The following ZNF577 variants were observed in gnomAD, a reference collection of about 807,000 sequenced individuals.
The protein encoded by ZNF577 is zinc finger protein 577.
In ZNF577, 14 loss-of-function variants were observed where a neutral mutation model predicts 13.9. The observed-to-expected ratio is 1.00, with a 90% confidence interval of 0.66 to 1.57. ZNF577 has a LOEUF of 1.57. ZNF577 is among the 40% of genes most tolerant of loss of function. ZNF577 has a pLI of 0.00. For synonymous variants in ZNF577, 203 were observed against 202.9 expected, an observed-to-expected ratio of 1.00 and a Z score of 0.00; for missense variants, 555 against 579.2, an observed-to-expected ratio of 0.96 and a Z score of 0.43.
At chr19:51,880,135 C>A (rs922980107) in intron 3 of ZNF577, among the ~76,000 whole-genome samples, 188 bp downstream of exon 3, 1 of 152,170 alleles carries the variant, frequency 6.6e-6, no homozygotes, top group Non-Finnish European at 1.5e-5. Flanking sequence ...ACGCTATTTT[C>A]GAAGAATTTT....
intron 5 of ZNF577, among the ~76,000 whole-genome samples, chr19:51,846,337 G>C (rs1439360907): frequency 6.6e-6 from 1 of 152,194 alleles, no homozygotes. Flanking sequence ...CGTATTTGCA[G>C]ATGAGTCACT....
intron 4 of ZNF577, 169 bp from the exon 5 acceptor site, chr19:51,877,546 C>A (rs1026357080): frequency 1.2e-5 from 7 of 578,364 alleles, no homozygotes; most frequent in African/African-American, 7.6e-5. Flanking sequence ...TAACAGTCTG[C>A]GTGACACACC....
chr19:51,877,603 A>G (rs936429208), intron 4 of ZNF577: 2 of 392,730 alleles, frequency 5.1e-6, no homozygotes, highest in Non-Finnish European at 9.1e-6. Flanking sequence ...CAGACAAACA[A>G]AAACAGAAAA....
At chr19:51,828,693 A>C (rs1192888545) in intron 9 of ZNF577, among the ~76,000 whole-genome samples, 2 of 152,168 alleles carry the variant, frequency 1.3e-5, no homozygotes, top group Admixed American at 6.5e-5. Flanking sequence ...AATACTTCCC[A>C]ATGTATGTCC....
Position 51,872,571 on chromosome 19 carries a change from T to C in ZNF577, c.1419A>G (p.Ile473Met), listed in dbSNP as rs1362483341. ...TATCTGTAAGATACAAGATATAATT[T>C]ATTACTGATGGGGCCACATTCACTT... ...TNEVNVAPSVINYILYLTDIV... is the reference protein window; with the variant it reads ...TNEVNVAPSVMNYILYLTDIV... Residue 473 changes from isoleucine to methionine, a missense_variant, in exon 6 of 6, where the codon ATA (isoleucine) becomes ATG (methionine). By Grantham distance (10) the Ile-to-Met change is conservative. Coordinates refer to ENST00000638348, the MANE Select transcript of ZNF577 (RefSeq NM_001370449.1). 1 of 1,608,496 alleles carries C rather than the reference T, an allele frequency of 6.2e-7. No homozygotes were observed. Among genetic ancestry groups the C allele is most frequent in the Non-Finnish European group, 8.5e-7 (1 of 1,177,984 alleles).
At chr19:51,833,315 G>T (rs2084270198) in intron 9 of ZNF577, among the ~76,000 whole-genome samples, 1 of 152,050 alleles carries the variant, frequency 6.6e-6, no homozygotes, top group South Asian at 2.1e-4. Flanking sequence ...AGATTACAAT[G>T]CTATACTACC....
At chr19:51,822,276 T>C (rs1599841247) in intron 9 of ZNF577, among the ~76,000 whole-genome samples, 1 of 152,268 alleles carries the variant, frequency 6.6e-6, no homozygotes, top group East Asian at 1.9e-4. Flanking sequence ...TTTCCACCAA[T>C]AAAGCAATCC....
At chr19:51,881,705 T>C (rs2084864443) in intron 1 of ZNF577, among the ~76,000 whole-genome samples, 1 of 152,078 alleles carries the variant, frequency 6.6e-6, no homozygotes, top group Non-Finnish European at 1.5e-5. Flanking sequence ...GGTGGCCACA[T>C]AGTCACAGCT....
intron 9 of ZNF577, among the ~76,000 whole-genome samples, chr19:51,826,510 TTTTG>T (rs2084232831): frequency 6.6e-6 from 1 of 152,246 alleles, no homozygotes; most frequent in African/African-American, 2.4e-5. Flanking sequence ...CATTGTTCAC[TTTTG>T]GTAAACTGTG....
chr19:51,852,767 G>C (rs2084385309), intron 5 of ZNF577, among the ~76,000 whole-genome samples: 1 of 152,174 alleles, frequency 6.6e-6, no homozygotes, highest in Non-Finnish European at 1.5e-5. Flanking sequence ...TTACACAGTT[G>C]TCCACATATA....
In ZNF577 at chr19:51,869,876, T is replaced by C. The variant is rs564345551; in HGVS notation, c.*2656A>G. On this transcript the variant is annotated 3_prime_UTR_variant, in exon 6 of 6. Coordinates refer to ENST00000638348, the MANE Select transcript of ZNF577 (RefSeq NM_001370449.1). The stretch of plus-strand genomic sequence containing the variant: ...GCACTGCCCATGGCCAAACTACACT[T>C]CCTAGGAAGCTCAGCAGCCCTGTTC... Among the ~76,000 whole-genome samples the C allele has an allele frequency of 1.1e-4, 16 of 152,202 alleles. No individual in the cohort carries two copies. Among genetic ancestry groups the C allele is most frequent in the African/African-American group, 3.9e-4 (16 of 41,528 alleles).
chr19:51,884,696 T>C (rs907982306), intron 1 of ZNF577, among the ~76,000 whole-genome samples: 7 of 152,184 alleles, frequency 4.6e-5, no homozygotes, highest in African/African-American at 2.4e-5. Flanking sequence ...TTTTCATCCT[T>C]CCTTCTTTTC....
chr19:51,856,352 T>C (rs7253396), intron 5 of ZNF577, among the ~76,000 whole-genome samples: 57,497 of 152,104 alleles, frequency 0.38, 12,012 homozygotes, highest in African/African-American at 0.55. Context: ...AATTTAATAA[T>C]TGTGCTAATG....
rs993998116 is a variant in ZNF577, at chr19:51,855,399, G to GTGTGTGTGTA, written c.284-10469_284-10468insTACACACACA. On this transcript the variant is annotated intron_variant and NMD_transcript_variant, in intron 5 of 10. Transcript: ENST00000638827. ...TGTGTGTGTGTGTGTGTGTGTGTGT[G>GTGTGTGTGTA]TGTGTGTGTCTACTTCAATGCTCAA... 5.0e-3 allele frequency among the ~76,000 whole-genome samples: 712 copies of GTGTGTGTGTA among 142,578 alleles called. 7 individuals carry two copies. Among genetic ancestry groups the GTGTGTGTGTA allele is most frequent in the African/African-American group, 0.018 (667 of 36,798 alleles). The allele number at this position is 142,578 out of a possible 152,430, so 93.5% of individuals were successfully genotyped here.
rs1431830961 is a variant in ZNF577 at position 51,829,246 on chromosome 19, TAA to T, written c.*599+10645_*599+10646del. Among the ~76,000 whole-genome samples the T allele has an allele frequency of 3.3e-5, 5 of 152,128 alleles. No individual in the cohort carries two copies. The East Asian group carries it at 9.7e-4, about 29-fold the overall frequency. ...CTCACAGACACCGAGGAGGGAGCTG[TAA>T]AGAGTCAGTAGCCACAGCCCCGACA... On this transcript the variant is annotated intron_variant and NMD_transcript_variant, in intron 9 of 10. Coordinates refer to the ZNF577 transcript ENST00000638827.
At chr19:51,822,139 C>G (rs1342798827) in intron 9 of ZNF577, among the ~76,000 whole-genome samples, 1 of 152,112 alleles carries the variant, frequency 6.6e-6, no homozygotes, top group Admixed American at 6.5e-5. Context: ...GCAACAGCTT[C>G]CCATGTGACC....
At chr19:51,864,870 G>A (rs767323581), downstream of ZNF577, among the ~76,000 whole-genome samples, 2 of 152,168 alleles carry the variant, frequency 1.3e-5, no homozygotes, top group East Asian at 3.9e-4. Context: ...CTCCAACTCT[G>A]AAGGCTTTGG....
chr19:51,838,551 A>C (rs1315874316), intron 9 of ZNF577, among the ~76,000 whole-genome samples: 1 of 148,028 alleles, frequency 6.8e-6, no homozygotes, highest in Non-Finnish European at 1.5e-5. Flanking sequence ...AAAGAAACTA[A>C]ATTTTTATAT....
chr19:51,811,016 T>G (rs2084092981), intron 10 of ZNF577, among the ~76,000 whole-genome samples: 1 of 152,170 alleles, frequency 6.6e-6, no homozygotes, highest in South Asian at 2.1e-4. Flanking sequence ...TAGGCCAATT[T>G]TTATCCTCCC....
Sources: allele counts gnomAD v4.1 joint callset (sites outside exome capture counted in the v4.1 genomes callset), GRCh38; gene constraint gnomAD v4.1.1; transcripts MANE v1.5; gene names NCBI Gene and HGNC (gene_info 2026-07-23, HGNC 2026-07-21).